Variants in NUDT14 observed in about 807,000 individuals in gnomAD.
NUDT14 encodes nudix hydrolase 14, also known as uridine diphosphate glucose pyrophosphatase NUDT14.
NUDT14 carries 22 observed loss-of-function variants against 17.5 expected under a neutral mutation model. The ratio of observed to expected loss-of-function variants is 1.26; its 90% CI spans 0.90 to 1.80. NUDT14 has a LOEUF of 1.80. Among genes scored for constraint, NUDT14 ranks in the 40% most tolerant of loss-of-function variants. The pLI, the probability that NUDT14 is intolerant of heterozygous loss-of-function variation, is 0.00. For missense variants in NUDT14, 296 were observed against 295.6 expected (o/e 1.00, Z -0.01); for synonymous variants, 129 against 125.8 (o/e 1.03, Z -0.17).
chr14:105,178,869 T>C (rs1889271445), intron 1 of NUDT14, among the ~76,000 whole-genome samples: 2 of 152,098 alleles, frequency 1.3e-5, no homozygotes. Context: ...GGCAAAGGCG[T>C]CCTGGGAGGA....
chr14:105,173,476 C>T lies in NUDT14; in HGVS notation c.429-215G>A. The T allele has an allele frequency of 2.3e-6, 1 of 431,424 alleles. No individual in the cohort carries two copies. Among genetic ancestry groups the T allele is most frequent in the Non-Finnish European group, 4.0e-6 (1 of 251,296 alleles). The allele number at this position is 431,424 out of a possible 1,614,324, so 26.7% of individuals were successfully genotyped here. A position where few individuals can be genotyped will look rare whatever the true frequency, so the allele number is the denominator to read the frequency against. The stretch of plus-strand genomic sequence containing the variant: ...GCATCCCTTCCCTGATCACGTTGTA[C>T]TCGCCAGGTGGGGTGGGTGTTGTCG... On this transcript the variant is annotated intron_variant, in intron 4 of 4. Transcript: ENST00000392568. This position sits in a 1 kb window ranked among gnomAD's most constrained non-coding sequence, Gnocchi z 4.7.
At chr14:105,174,031 C>T (rs1889160782) in intron 4 of NUDT14, among the ~76,000 whole-genome samples, 1 of 152,080 alleles carries the variant, frequency 6.6e-6, no homozygotes, top group Admixed American at 6.5e-5. Flanking sequence ...AAGTTTCAGA[C>T]TAGGAACAGC....
intron 4 of NUDT14, chr14:105,176,109 C>T (rs1889207244): frequency 1.3e-6 from 1 of 747,940 alleles, no homozygotes; most frequent in South Asian, 1.9e-5. Flanking sequence ...TCCCAAAGCG[C>T]AGGCTCTAGT....
At chr14:105,177,112 G>A in intron 2 of NUDT14, 85 bp from the exon 3 acceptor site, 1 of 1,320,412 alleles carries the variant, frequency 7.6e-7, no homozygotes, top group Non-Finnish European at 1.1e-6. Flanking sequence ...TTCCCAGCGT[G>A]GCCATCCCAC....
Position 105,172,961 on chromosome 14 carries a change from G to A in NUDT14, c.*60C>T. ...AGCTGGAGCTATGCAAGCCTTTATT[G>A]GGGTCCGCGGGGTGTGGGGTGAGTG... On this transcript the variant is annotated 3_prime_UTR_variant, in exon 5 of 5. Transcript: ENST00000392568. The A allele has an allele frequency of 2.1e-6, 3 of 1,431,820 alleles. No homozygotes were observed. The highest frequency in any genetic ancestry group is 2.8e-6 in the Non-Finnish European group (3 of 1,090,124). 88.7% of individuals were successfully genotyped at this position (1,431,820 alleles called of 1,614,324 possible).
Position 105,181,211 on chromosome 14 carries a change from G to C in NUDT14, c.-2C>G. 2 of 1,145,562 alleles carry C rather than the reference G, an allele frequency of 1.7e-6. No homozygotes were observed. The highest frequency in any genetic ancestry group is 2.2e-6 in the Non-Finnish European group (2 of 929,386). 71.0% of individuals were successfully genotyped at this position (1,145,562 alleles called of 1,614,324 possible). A position where few individuals can be genotyped will look rare whatever the true frequency, so the allele number is the denominator to read the frequency against. Reference sequence around the variant, plus strand: ...GGACGCCCCCTCGATGCGCTCCATGGCGGCGCCCGGACAGGCGGGGGCCGC... The same window carrying C: ...GGACGCCCCCTCGATGCGCTCCATGCCGGCGCCCGGACAGGCGGGGGCCGC... On this transcript the variant is annotated 5_prime_UTR_variant, in exon 1 of 5. Coordinates refer to ENST00000392568, the MANE Select transcript of NUDT14 (RefSeq NM_177533.5). The surrounding 1 kb of genome is among the most constrained non-coding windows in gnomAD (Gnocchi z 5.0).
intron 4 of NUDT14, 187 bp downstream of exon 4, chr14:105,176,347 G>C: frequency 6.4e-6 from 4 of 622,072 alleles, no homozygotes; most frequent in Non-Finnish European, 1.1e-5. Flanking sequence ...ACGCTGCAGA[G>C]AGAGCCCCAA....
At position 105,176,819 on chromosome 14, in the gene NUDT14, C is replaced by T. The variant is rs781010610; in HGVS notation, c.191-48G>A. 55 of 1,584,134 alleles carry T rather than the reference C, an allele frequency of 3.5e-5. No individual in the cohort carries two copies. The Admixed American group carries it at 6.7e-4, about 19-fold the overall frequency. On this transcript the variant is annotated intron_variant, in intron 3 of 4. Transcript: ENST00000392568. Reference sequence around the variant, plus strand: ...GTGCTCACAGCCACGTGGTGGCCACCTCCAGGTCACCCACACAGCCAAGCC... The same window carrying T: ...GTGCTCACAGCCACGTGGTGGCCACTTCCAGGTCACCCACACAGCCAAGCC...
Position 105,173,613 on chromosome 14 carries a change from G to A in NUDT14, c.429-352C>T, listed in dbSNP as rs780271901. Reference sequence around the variant, plus strand: ...AGAGGGTGTTTCAACGCCAGAAAGGGAGAAATTCAGGCCAGTCCTGCTGGC... The same window carrying A: ...AGAGGGTGTTTCAACGCCAGAAAGGAAGAAATTCAGGCCAGTCCTGCTGGC... On this transcript the variant is annotated intron_variant, in intron 4 of 4. Coordinates refer to ENST00000392568, the MANE Select transcript of NUDT14 (RefSeq NM_177533.5). The surrounding 1 kb of genome is among the most constrained non-coding windows in gnomAD (Gnocchi z 4.7). 4 of 191,216 alleles carry A rather than the reference G, an allele frequency of 2.1e-5. No homozygotes were observed. Among genetic ancestry groups the A allele is most frequent in the Middle Eastern group, 2.0e-3 (1 of 506 alleles). 11.8% of individuals were successfully genotyped at this position (191,216 alleles called of 1,614,324 possible).
chr14:105,177,038 G>T lies in NUDT14; in HGVS notation c.126-11C>A, dbSNP rs368542670. ...AAGAGAACGGTCACGCTGTGTACGGGGGGAGGGGCTCAGCACAGAAGCACT... is the reference window on the plus strand; with the variant it reads ...AAGAGAACGGTCACGCTGTGTACGGTGGGAGGGGCTCAGCACAGAAGCACT... On this transcript the variant is annotated splice_polypyrimidine_tract_variant and intron_variant, in intron 2 of 4. Coordinates refer to ENST00000392568, the MANE Select transcript of NUDT14 (RefSeq NM_177533.5). The T allele has an allele frequency of 4.0e-5, 65 of 1,610,466 alleles. No homozygotes were observed. Among genetic ancestry groups the T allele is most frequent in the African/African-American group, 1.3e-5 (1 of 74,872 alleles).
intron 4 of NUDT14, 29 bp downstream of exon 4, chr14:105,176,505 C>T (rs774856952): frequency 6.4e-7 from 1 of 1,560,172 alleles, no homozygotes; most frequent in Admixed American, 1.7e-5. Flanking sequence ...TGAGTCACAC[C>T]ACAGGCCTGA....
rs587668916 is a variant in NUDT14 at position 105,179,325 on chromosome 14, C to T, written c.82-1590G>A. On this transcript the variant is annotated intron_variant, in intron 1 of 4. Transcript: ENST00000392568. ...ACATCACAGGCCTCCCCTGGCTGGA[C>T]GCAGCAAAAAGCTGAGGGCTGCAGC... is the stretch of plus-strand genomic sequence containing the variant. 3.9e-5 allele frequency among the ~76,000 whole-genome samples: 6 copies of T among 152,310 alleles called. No homozygotes were observed. In the South Asian group the frequency reaches 8.3e-4, roughly 21 times the overall value.
rs113923920 is a variant in NUDT14, at chr14:105,173,490, T to G, written c.429-229A>C. ...ATCACGTTGTACTCGCCAGGTGGGG[T>G]GGGTGTTGTCGATGTGATTAAGGAC... On this transcript the variant is annotated intron_variant, in intron 4 of 4. Transcript: ENST00000392568. The surrounding 1 kb of genome is among the most constrained non-coding windows in gnomAD (Gnocchi z 4.7). The G allele has an allele frequency of 4.1e-5, 17 of 409,778 alleles. No homozygotes were observed. Among genetic ancestry groups the G allele is most frequent in the African/African-American group, 2.7e-4 (13 of 48,858 alleles). The allele number at this position is 409,778 out of a possible 1,614,324, so 25.4% of individuals were successfully genotyped here.
intron 1 of NUDT14, among the ~76,000 whole-genome samples, chr14:105,180,516 G>A (rs1889304113): frequency 6.6e-6 from 1 of 152,204 alleles, no homozygotes; most frequent in Non-Finnish European, 1.5e-5. Flanking sequence ...TGTGCCTGGT[G>A]CTAAGTGAGG....
Position 105,181,052 on chromosome 14 carries a change from G to A in NUDT14, c.81+77C>T, listed in dbSNP as rs1320151411. 5 of 401,124 alleles carry A rather than the reference G, an allele frequency of 1.2e-5. No homozygotes were observed. The South Asian group carries it at 3.8e-4, about 31-fold the overall frequency. The allele number at this position is 401,124 out of a possible 1,614,324, so 24.8% of individuals were successfully genotyped here. On this transcript the variant is annotated intron_variant, in intron 1 of 4. Coordinates refer to ENST00000392568, the MANE Select transcript of NUDT14 (RefSeq NM_177533.5). This position sits in a 1 kb window ranked among gnomAD's most constrained non-coding sequence, Gnocchi z 5.0. ...GGCTCCGGGGCGGGGCCGGCAGCGC[G>A]GAAGATGGTGGGCGGGGCGCGGGTC...
chr14:105,177,554 G>T, intron 2 of NUDT14, 138 bp downstream of exon 2: 2 of 775,770 alleles, frequency 2.6e-6, no homozygotes, highest in Non-Finnish European at 4.3e-6. Flanking sequence ...CAGAGGCCGG[G>T]CAGAGAGAAG....
intron 1 of NUDT14, among the ~76,000 whole-genome samples, chr14:105,178,320 T>C (rs1313166571): frequency 6.6e-6 from 1 of 152,002 alleles, no homozygotes; most frequent in African/African-American, 2.4e-5. Context: ...ACTCGGTGAC[T>C]GTCATGATGG....
chr14:105,173,344 C>T lies in NUDT14; in HGVS notation c.429-83G>A. 7.2e-7 allele frequency: 1 copy of T among 1,384,502 alleles called. No individual in the cohort carries two copies. The highest frequency in any genetic ancestry group is 9.4e-7 in the Non-Finnish European group (1 of 1,065,642). The allele number at this position is 1,384,502 out of a possible 1,614,324, so 85.8% of individuals were successfully genotyped here. A position where few individuals can be genotyped will look rare whatever the true frequency, so the allele number is the denominator to read the frequency against. On this transcript the variant is annotated intron_variant, in intron 4 of 4. Coordinates refer to ENST00000392568, the MANE Select transcript of NUDT14 (RefSeq NM_177533.5). This position sits in a 1 kb window ranked among gnomAD's most constrained non-coding sequence, Gnocchi z 4.7. The stretch of plus-strand genomic sequence containing the variant: ...CCCTTCTACCACCCTCCAACCCACC[C>T]TCTCCACTCTGCTCCCTCCAGCCCT...
At chr14:105,175,105 G>A (rs1355669287) in intron 4 of NUDT14, among the ~76,000 whole-genome samples, 1 of 152,196 alleles carries the variant, frequency 6.6e-6, no homozygotes, top group Non-Finnish European at 1.5e-5. Context: ...TCAGGCTGTG[G>A]CCCAGAGGCT....
Sources: gnomAD v4.1 joint callset for allele counts (sites outside exome capture counted in the v4.1 genomes callset) on GRCh38, gnomAD v4.1.1 for gene constraint, Gnocchi (gnomAD v3.1) non-coding constraint, MANE v1.5 for transcripts, NCBI Gene and HGNC (gene_info 2026-07-23, HGNC 2026-07-21) for gene names.